The following OSBPL3 variants were observed in gnomAD, a reference collection of about 807,000 sequenced individuals.
OSBPL3 encodes oxysterol binding protein like 3.
A neutral mutation model predicts 120.1 loss-of-function variants in OSBPL3; 65 were observed. That is an observed-to-expected ratio of 0.54 (90% CI 0.44 to 0.67). OSBPL3 has a LOEUF of 0.67. Among genes scored for constraint, OSBPL3 ranks in the 30% least tolerant of loss-of-function variants. The pLI is 0.00. For synonymous variants in OSBPL3, 416 were observed against 402.6 expected, an observed-to-expected ratio of 1.03 and a Z score of -0.40; for missense variants, 1,004 against 1,082.1, an observed-to-expected ratio of 0.93 and a Z score of 1.01.
rs180711733 is a variant in OSBPL3 at position 24,894,646 on chromosome 7, G to A, written c.-149-2025C>T. Among the ~76,000 whole-genome samples, 2 of 152,274 alleles carry A rather than the reference G, an allele frequency of 1.3e-5. No individual in the cohort carries two copies. The highest frequency in any genetic ancestry group is 3.9e-4 in the East Asian group (2 of 5,188). The stretch of plus-strand genomic sequence containing the variant: ...ATACCAGCGGAGTGTTTGTGTGTGT[G>A]TGTACAAGCTTTGCTTTTGTTTTTT... On this transcript the variant is annotated intron_variant, in intron 1 of 22. Transcript: ENST00000313367. The surrounding 1 kb of genome is among the most constrained non-coding windows in gnomAD (Gnocchi z 4.1).
Position 24,936,875 on chromosome 7 carries a change from T to C in OSBPL3, c.-150+43011A>G, listed in dbSNP as rs910422595. ...AGTGAGTTGGAATGAGAGAATGGAATAGGAAGATAAATTATTGAGCTCTTA... is the reference window on the plus strand; with the variant it reads ...AGTGAGTTGGAATGAGAGAATGGAACAGGAAGATAAATTATTGAGCTCTTA... On this transcript the variant is annotated intron_variant, in intron 1 of 22. Coordinates refer to ENST00000313367, the MANE Select transcript of OSBPL3 (RefSeq NM_015550.4). The surrounding 1 kb of genome is among the most constrained non-coding windows in gnomAD (Gnocchi z 4.2). Among the ~76,000 whole-genome samples, 1 of 152,088 alleles carries C rather than the reference T, an allele frequency of 6.6e-6. No individual in the cohort carries two copies. Among genetic ancestry groups the C allele is most frequent in the African/African-American group, 2.4e-5 (1 of 41,396 alleles).
At chr7:24,981,068 A>C (rs1307432515), upstream of OSBPL3, among the ~76,000 whole-genome samples, 1 of 152,170 alleles carries the variant, frequency 6.6e-6, no homozygotes. The surrounding 1 kb of genome is among the most constrained non-coding windows in gnomAD (Gnocchi z 7.3). Context: ...GCGAGCTTGC[A>C]ACTGTGAGAA....
chr7:24,898,841 G>GATC lies in OSBPL3; in HGVS notation c.-149-6223_-149-6221dup, dbSNP rs1042724401. Among the ~76,000 whole-genome samples the GATC allele has an allele frequency of 2.0e-5, 3 of 152,184 alleles. No homozygotes were observed. The highest frequency in any genetic ancestry group is 6.5e-5 in the Admixed American group (1 of 15,276). Reference sequence around the variant, plus strand: ...AAGAACTCCCTCTATAACATGGCTAGATCATCACTGCTTGACCACTTCCTG... The same window carrying GATC: ...AAGAACTCCCTCTATAACATGGCTAGATCATCATCACTGCTTGACCACTTCCTG... On this transcript the variant is annotated intron_variant, in intron 1 of 22. Transcript: ENST00000313367. The surrounding 1 kb of genome is among the most constrained non-coding windows in gnomAD (Gnocchi z 4.3).
chr7:24,820,323 TG>T lies in OSBPL3; in HGVS notation c.1885-86del, dbSNP rs1794968696. 2 of 985,690 alleles carry T rather than the reference TG, an allele frequency of 2.0e-6. No individual in the cohort carries two copies. Among genetic ancestry groups the T allele is most frequent in the Non-Finnish European group, 3.2e-6 (2 of 629,002 alleles). The allele number at this position is 985,690 out of a possible 1,614,324, so 61.1% of individuals were successfully genotyped here. ...CCATTCTTTCTCCCCTGCACTGAGA[TG>T]TAACAGCGTGCAATGCTGAACTGAA... On this transcript the variant is annotated intron_variant, in intron 16 of 22. Coordinates refer to ENST00000313367, the MANE Select transcript of OSBPL3 (RefSeq NM_015550.4). This position sits in a 1 kb window ranked among gnomAD's most constrained non-coding sequence, Gnocchi z 4.6.
intron 7 of OSBPL3, among the ~76,000 whole-genome samples, chr7:24,865,140 T>C (rs1161998997): frequency 6.6e-6 from 1 of 152,178 alleles, no homozygotes; most frequent in Non-Finnish European, 1.5e-5. Flanking sequence ...AAGAAACCTG[T>C]CTGCATGTAC....
At position 24,894,169 on chromosome 7, in the gene OSBPL3, G is replaced by C. The variant is rs1805784963; in HGVS notation, c.-149-1548C>G. On this transcript the variant is annotated intron_variant, in intron 1 of 22. Transcript: ENST00000313367. The surrounding 1 kb of genome is among the most constrained non-coding windows in gnomAD (Gnocchi z 4.1). ...CTTAGTTCTTCAAAAATAAAAAAGA[G>C]TACATTAAAGCAATAAGCTAGAATC... is the stretch of plus-strand genomic sequence containing the variant. Among the ~76,000 whole-genome samples, 1 of 151,956 alleles carries C rather than the reference G, an allele frequency of 6.6e-6. No individual in the cohort carries two copies. Among genetic ancestry groups the C allele is most frequent in the African/African-American group, 2.4e-5 (1 of 41,310 alleles).
At chr7:24,882,611 C>T (rs1395596130) in intron 2 of OSBPL3, among the ~76,000 whole-genome samples, 3 of 152,020 alleles carry the variant, frequency 2.0e-5, no homozygotes, top group African/African-American at 4.8e-5. Flanking sequence ...GGCAAGATAC[C>T]CAGTAGATCA....
At chr7:24,812,132 C>T (rs1217103810) in intron 19 of OSBPL3, among the ~76,000 whole-genome samples, 1 of 151,842 alleles carries the variant, frequency 6.6e-6, no homozygotes, top group East Asian at 1.9e-4. Context: ...CATGGTGAAA[C>T]CCCATCTCTA....
At position 24,818,046 on chromosome 7, in the gene OSBPL3, T is replaced by C. The variant is rs903984787; in HGVS notation, c.1949-1358A>G. ...CTGGGGTCCAGGTGAGAGAGGTGGG[T>C]CTGGGACCAGCGAGCACAGTGGGCC... On this transcript the variant is annotated intron_variant, in intron 17 of 22. Transcript: ENST00000313367. The surrounding 1 kb of genome is among the most constrained non-coding windows in gnomAD (Gnocchi z 4.0). Among the ~76,000 whole-genome samples the C allele has an allele frequency of 3.9e-5, 6 of 152,088 alleles. No homozygotes were observed. The highest frequency in any genetic ancestry group is 8.8e-5 in the Non-Finnish European group (6 of 68,012).
Position 24,971,764 on chromosome 7 carries a change from G to T in OSBPL3, c.-150+8122C>A, listed in dbSNP as rs954040157. ...AAGTGATAAGATCTAACGAGGTAGC[G>T]TAAGTAAAGCACTTAGCCTGGCACA... On this transcript the variant is annotated intron_variant, in intron 1 of 22. Coordinates refer to ENST00000313367, the MANE Select transcript of OSBPL3 (RefSeq NM_015550.4). Among the ~76,000 whole-genome samples the T allele has an allele frequency of 4.4e-5, 4 of 91,096 alleles. 1 individual carries two copies. In the South Asian group the frequency reaches 8.6e-4, roughly 20 times the overall value. The allele number at this position is 91,096 out of a possible 152,430, so 59.8% of individuals were successfully genotyped here.
rs1005388565 is a variant in OSBPL3 at position 24,966,344 on chromosome 7, A to C, written c.-150+13542T>G. Reference sequence around the variant, plus strand: ...GGGTCAGAAAAGGCAGTCATCTAATATAAAGATCTATCTACACCTAGCTAC... The same window carrying C: ...GGGTCAGAAAAGGCAGTCATCTAATCTAAAGATCTATCTACACCTAGCTAC... On this transcript the variant is annotated intron_variant, in intron 1 of 22. Coordinates refer to ENST00000313367, the MANE Select transcript of OSBPL3 (RefSeq NM_015550.4). The surrounding 1 kb of genome is among the most constrained non-coding windows in gnomAD (Gnocchi z 4.8). Among the ~76,000 whole-genome samples the C allele has an allele frequency of 2.6e-5, 4 of 151,860 alleles. No individual in the cohort carries two copies. The East Asian group carries it at 7.7e-4, about 29-fold the overall frequency.
intron 2 of OSBPL3, among the ~76,000 whole-genome samples, chr7:24,878,423 A>G (rs1803151326): frequency 6.6e-6 from 1 of 152,210 alleles, no homozygotes; most frequent in Admixed American, 6.5e-5. Flanking sequence ...CCAGCCTTAA[A>G]TCATGTAATT....
intron 1 of OSBPL3, among the ~76,000 whole-genome samples, chr7:24,909,768 GTTTTTTTTTTCTTTCT>G (rs1289229510): frequency 2.1e-4 from 23 of 110,606 alleles, no homozygotes; most frequent in African/African-American, 6.5e-4. Context: ...GAAAGCTACT[GTTTTTTTTTTCTTTCT>G]TTTTTTTTTT....
At chr7:24,954,190 G>C (rs1814772166) in intron 1 of OSBPL3, among the ~76,000 whole-genome samples, 1 of 152,144 alleles carries the variant, frequency 6.6e-6, no homozygotes, top group African/African-American at 2.4e-5. Flanking sequence ...GAATCATCTG[G>C]CTGTGCTGAA....
In OSBPL3 at chr7:24,872,110, T is replaced by C; in HGVS notation, c.97-41A>G. ...AGTTCATGTTAAATGTCTATCTTTT[T>C]GAAAAATAATAATGGTAAAAAGCAC... On this transcript the variant is annotated intron_variant, in intron 2 of 22. Transcript: ENST00000313367. This position sits in a 1 kb window ranked among gnomAD's most constrained non-coding sequence, Gnocchi z 4.1. 1.5e-6 allele frequency: 2 copies of C among 1,317,216 alleles called. No individual in the cohort carries two copies. The highest frequency in any genetic ancestry group is 2.3e-5 in the East Asian group (1 of 43,476). The allele number at this position is 1,317,216 out of a possible 1,614,324, so 81.6% of individuals were successfully genotyped here.
At chr7:24,842,666 G>A (rs1173605156) in intron 12 of OSBPL3, among the ~76,000 whole-genome samples, 2 of 152,158 alleles carry the variant, frequency 1.3e-5, no homozygotes, top group South Asian at 2.1e-4. Context: ...AAAAACAACT[G>A]TCCAGGTCAC....
chr7:24,921,439 C>CT (rs759474639), intron 1 of OSBPL3, among the ~76,000 whole-genome samples: 1 of 152,214 alleles, frequency 6.6e-6, no homozygotes, highest in Non-Finnish European at 1.5e-5. Context: ...TAAATCACCT[C>CT]TTTGACACTA....
rs1270067490 is a variant in OSBPL3, at chr7:24,917,170, G to GC, written c.-149-24550dup. Among the ~76,000 whole-genome samples, 5 of 151,828 alleles carry GC rather than the reference G, an allele frequency of 3.3e-5. No homozygotes were observed. The East Asian group carries it at 9.7e-4, about 29-fold the overall frequency. On this transcript the variant is annotated intron_variant, in intron 1 of 22. Transcript: ENST00000313367. ...TGGTCCATATTTTGTTTATTCTATAGCAGAAGTCAGTGGTCATGTTTTCCA... is the reference window on the plus strand; with the variant it reads ...TGGTCCATATTTTGTTTATTCTATAGCCAGAAGTCAGTGGTCATGTTTTCCA...
At chr7:24,919,972 T>C (rs1334895328) in intron 1 of OSBPL3, among the ~76,000 whole-genome samples, 2 of 151,980 alleles carry the variant, frequency 1.3e-5, no homozygotes, top group Non-Finnish European at 1.5e-5. Context: ...ACCACTAAAA[T>C]GTTTATATAA....
Sources: gnomAD v4.1 joint callset for allele counts (sites outside exome capture counted in the v4.1 genomes callset) on GRCh38, gnomAD v4.1.1 for gene constraint, Gnocchi (gnomAD v3.1) non-coding constraint, MANE v1.5 for transcripts, NCBI Gene and HGNC (gene_info 2026-07-23, HGNC 2026-07-21) for gene names.